Variants in BICC1 observed in about 807,000 individuals in gnomAD.
The protein encoded by BICC1 is protein bicaudal C homolog 1.
In BICC1, 43 loss-of-function variants were observed where a neutral mutation model predicts 111.0. That is an observed-to-expected ratio of 0.39 (90% CI 0.30 to 0.50). The LOEUF is 0.50. Among genes scored for constraint, BICC1 ranks in the 20% least tolerant of loss-of-function variants. The pLI is 0.88. For missense variants in BICC1, 1,091 were observed against 1,203.2 expected (o/e 0.91, Z 1.38); for synonymous variants, 467 against 434.4 (o/e 1.07, Z -0.93).
chr10:58,538,183 A>G lies in BICC1; in HGVS notation c.190+24850A>G, dbSNP rs113305146. 5.1e-3 allele frequency among the ~76,000 whole-genome samples: 773 copies of G among 152,118 alleles called. 4 individuals carry two copies. Among genetic ancestry groups the G allele is most frequent in the African/African-American group, 0.018 (738 of 41,522 alleles). On this transcript the variant is annotated intron_variant, in intron 1 of 20. Transcript: ENST00000373886. ...AGCCAAAGCAATCCTAAGCAAAAAG[A>G]ACAAATCTGAAGGTGACATCACATT... is the stretch of plus-strand genomic sequence containing the variant.
chr10:58,607,501 T>C (rs548897220), intron 1 of BICC1, among the ~76,000 whole-genome samples: 22 of 151,564 alleles, frequency 1.5e-4, no homozygotes, highest in African/African-American at 5.1e-4. Flanking sequence ...TTATCCTCCT[T>C]CTCCTCTCTT....
intron 8 of BICC1, among the ~76,000 whole-genome samples, chr10:58,790,875 G>A (rs764510980): frequency 3.9e-5 from 6 of 152,196 alleles, no homozygotes; most frequent in Non-Finnish European, 8.8e-5. Context: ...CAAAATGGAT[G>A]GACATGATGC....
chr10:58,793,493 C>T lies in BICC1; in HGVS notation c.1057C>T (p.Pro353Ser), dbSNP rs2132830943. Residue 353 changes from proline (P) to serine (S), a missense_variant, in exon 9 of 21, where the codon CCT becomes TCT. Pro to Ser is a moderately conservative substitution (Grantham distance 74). This residue lies in a region of BICC1 where 843 missense variants were observed against 900.8 expected (regional missense o/e 0.94). Transcript: ENST00000373886. The stretch of plus-strand genomic sequence containing the variant: ...TTGTGACATTTTCTAGGGTTGTCTT[C>T]CTCTTGTGTTGATGTTTGATATGAA... ...LARQYLMGCL[P>S]LVLMFDMKEE... The T allele has an allele frequency of 6.2e-7, 1 of 1,610,964 alleles. No individual in the cohort carries two copies. The highest frequency in any genetic ancestry group is 8.5e-7 in the Non-Finnish European group (1 of 1,178,392).
At chr10:58,528,853 C>G (rs79527106) in intron 1 of BICC1, among the ~76,000 whole-genome samples, 2,431 of 152,052 alleles carry the variant, frequency 0.016, 36 homozygotes, top group Non-Finnish European at 0.025. Context: ...TGAGTTGGTT[C>G]TCCATACATG....
chr10:58,822,138 T>G (rs1020652982), intron 20 of BICC1, among the ~76,000 whole-genome samples: 2 of 152,184 alleles, frequency 1.3e-5, no homozygotes, highest in Admixed American at 6.6e-5. Flanking sequence ...GAAACGTGAT[T>G]AACTTATGCA....
intron 14 of BICC1, 131 bp downstream of exon 14, chr10:58,801,177 T>A (rs1215645521): frequency 2.6e-6 from 2 of 778,874 alleles, no homozygotes; most frequent in East Asian, 6.5e-5. Flanking sequence ...TTTTAACTTT[T>A]TTAAAAAAAA....
intron 1 of BICC1, among the ~76,000 whole-genome samples, chr10:58,533,284 T>C (rs1842728455): frequency 6.6e-6 from 1 of 151,998 alleles, no homozygotes; most frequent in South Asian, 2.1e-4. Context: ...TTTTGACTTC[T>C]TTTTGTCTTC....
chr10:58,593,782 A>G (rs1172484774), intron 1 of BICC1, among the ~76,000 whole-genome samples: 3 of 152,108 alleles, frequency 2.0e-5, no homozygotes, highest in Non-Finnish European at 4.4e-5. Flanking sequence ...CAGCGCAAAA[A>G]TGCTAAAAAT....
intron 3 of BICC1, among the ~76,000 whole-genome samples, chr10:58,757,198 T>C (rs1209641792): frequency 6.6e-6 from 1 of 152,196 alleles, no homozygotes; most frequent in Non-Finnish European, 1.5e-5. Context: ...AGGCATGAAA[T>C]CAGCCACCTT....
intron 2 of BICC1, among the ~76,000 whole-genome samples, chr10:58,672,138 G>T (rs1284699628): frequency 6.6e-6 from 1 of 152,090 alleles, no homozygotes; most frequent in Non-Finnish European, 1.5e-5. Flanking sequence ...CATTTCAGTG[G>T]CATTGAGTAT....
At chr10:58,705,672 A>G (rs1840365738) in intron 3 of BICC1, among the ~76,000 whole-genome samples, 2 of 152,370 alleles carry the variant, frequency 1.3e-5, no homozygotes, top group East Asian at 1.9e-4. Context: ...GTTTTGTGAT[A>G]TAAACTAAGG....
At chr10:58,632,882 G>GAT (rs1837840585) in intron 2 of BICC1, among the ~76,000 whole-genome samples, 1 of 151,806 alleles carries the variant, frequency 6.6e-6, no homozygotes, top group South Asian at 2.1e-4. Flanking sequence ...TAGATAGATA[G>GAT]ATATCACTTC....
At chr10:58,563,816 A>G (rs78245310) in intron 1 of BICC1, among the ~76,000 whole-genome samples, 4,715 of 152,290 alleles carry the variant, frequency 0.031, 231 homozygotes, top group African/African-American at 0.11. Context: ...ATGTTTAGCA[A>G]TATGATGGGG....
At chr10:58,638,062 T>C (rs1838004430) in intron 2 of BICC1, among the ~76,000 whole-genome samples, 1 of 152,024 alleles carries the variant, frequency 6.6e-6, no homozygotes, top group Non-Finnish European at 1.5e-5. Flanking sequence ...ATGACAGACA[T>C]AGTAACATCT....
chr10:58,606,988 A>G (rs1845236773), intron 1 of BICC1, among the ~76,000 whole-genome samples: 1 of 152,132 alleles, frequency 6.6e-6, no homozygotes, highest in East Asian at 1.9e-4. Context: ...ATCTTGGATA[A>G]GATTGTGATA....
chr10:58,657,401 A>G (rs1392835062), intron 2 of BICC1, among the ~76,000 whole-genome samples: 1 of 152,092 alleles, frequency 6.6e-6, no homozygotes, highest in African/African-American at 2.4e-5. Flanking sequence ...TTCCTGAGGA[A>G]CGTGCACTAG....
chr10:58,681,687 A>G (rs577594447), intron 2 of BICC1, among the ~76,000 whole-genome samples: 2 of 152,214 alleles, frequency 1.3e-5, no homozygotes, highest in East Asian at 3.9e-4. Context: ...ACTGACTTCA[A>G]GAACGAAGCC....
At chr10:58,584,157 A>G (rs1844367313) in intron 1 of BICC1, among the ~76,000 whole-genome samples, 1 of 152,078 alleles carries the variant, frequency 6.6e-6, no homozygotes, top group South Asian at 2.1e-4. Flanking sequence ...TCTGTGAGGT[A>G]GAATGTAGCA....
At chr10:58,758,214 C>G (rs530334964) in intron 3 of BICC1, among the ~76,000 whole-genome samples, 1 of 152,128 alleles carries the variant, frequency 6.6e-6, no homozygotes, top group African/African-American at 2.4e-5. Flanking sequence ...CATATAAACA[C>G]TTACAGAATA....
Sources: gnomAD v4.1 joint callset for allele counts (sites outside exome capture counted in the v4.1 genomes callset) on GRCh38, gnomAD v4.1.1 for gene constraint, gnomAD v4.1.1 regional missense constraint, MANE v1.5 for transcripts, NCBI Gene and HGNC (gene_info 2026-07-23, HGNC 2026-07-21) for gene names.